LARP1: variants seen among roughly 807,000 people sequenced by gnomAD.
LARP1 encodes the protein la-related protein 1.
LARP1 carries 36 observed loss-of-function variants against 122.7 expected under a neutral mutation model. The ratio of observed to expected loss-of-function variants is 0.29; its 90% CI spans 0.22 to 0.39. LARP1 has a LOEUF of 0.39. LARP1 is among the 10% of genes least tolerant of loss of function. The pLI, the probability that LARP1 is intolerant of heterozygous loss-of-function variation, is 1.00. For synonymous variants in LARP1, 539 were observed against 528.7 expected, an observed-to-expected ratio of 1.02 and a Z score of -0.27; for missense variants, 1,040 against 1,403.6, an observed-to-expected ratio of 0.74 and a Z score of 4.14.
At chr5:154,805,803 C>T (rs1056004276) in intron 14 of LARP1, 78 bp from the exon 15 acceptor site, 10 of 1,473,158 alleles carry the variant, frequency 6.8e-6, no homozygotes, top group South Asian at 2.6e-5. Flanking sequence ...GCTGACAGAA[C>T]GGATCAGAGG....
chr5:154,711,607 T>G (rs1202637427), upstream of LARP1, among the ~76,000 whole-genome samples: 1 of 152,128 alleles, frequency 6.6e-6, no homozygotes, highest in Non-Finnish European at 1.5e-5. Flanking sequence ...GTCTTCTACA[T>G]GAGGATAAAG....
chr5:154,812,072 G>A (rs1759318353), intron 18 of LARP1, among the ~76,000 whole-genome samples: 3 of 152,180 alleles, frequency 2.0e-5, no homozygotes, highest in Non-Finnish European at 2.9e-5. Context: ...CAGTGGCAGG[G>A]CTGGGTTATT....
At chr5:154,767,229 A>G (rs552941918) in intron 1 of LARP1, among the ~76,000 whole-genome samples, 110 of 152,340 alleles carry the variant, frequency 7.2e-4, no homozygotes, top group Non-Finnish European at 1.2e-3. Flanking sequence ...TACTAGGATC[A>G]TTGATGAATG....
chr5:154,789,917 G>T (rs982772784), intron 1 of LARP1, among the ~76,000 whole-genome samples: 3 of 152,148 alleles, frequency 2.0e-5, no homozygotes, highest in Non-Finnish European at 2.9e-5. Context: ...CAAACTTCTA[G>T]AATGTTAGGG....
chr5:154,804,167 CA>C lies in LARP1; in HGVS notation c.2440-31del, dbSNP rs1340614116. On this transcript the variant is annotated intron_variant, in intron 13 of 18. Coordinates refer to ENST00000518297, the MANE Select transcript of LARP1 (RefSeq NM_033551.3). Reference sequence around the variant, plus strand: ...GATGCTCCTCAGAGTTGTAGGAGTACAAACAGTAACAAACCCTGGGCTAACC... The same window carrying C: ...GATGCTCCTCAGAGTTGTAGGAGTACAACAGTAACAAACCCTGGGCTAACC... 5.9e-6 allele frequency: 9 copies of C among 1,527,516 alleles called. 1 individual carries two copies. The highest frequency in any genetic ancestry group is 8.2e-6 in the Non-Finnish European group (9 of 1,101,292). 94.6% of individuals were successfully genotyped at this position (1,527,516 alleles called of 1,614,324 possible). A position where few individuals can be genotyped will look rare whatever the true frequency, so the allele number is the denominator to read the frequency against.
intron 1 of LARP1, among the ~76,000 whole-genome samples, chr5:154,772,776 C>T (rs1441120090): frequency 3.3e-5 from 5 of 152,184 alleles, no homozygotes; most frequent in Admixed American, 6.5e-5. Flanking sequence ...CAACCTCCGC[C>T]TCCCAGGTTC....
At chr5:154,764,166 GGGCGTGGT>G (rs1278042350) in intron 1 of LARP1, among the ~76,000 whole-genome samples, 1 of 151,954 alleles carries the variant, frequency 6.6e-6, no homozygotes, top group Non-Finnish European at 1.5e-5. Flanking sequence ...AAAATTAGCT[GGGCGTGGT>G]GGCATGCGCC....
chr5:154,691,816 TTTTC>T (rs1754231176), intron 1 of LARP1, among the ~76,000 whole-genome samples: 1 of 151,322 alleles, frequency 6.6e-6, no homozygotes, highest in Non-Finnish European at 1.5e-5. Context: ...TTTTTTTTCT[TTTTC>T]TTTTTTGAGG....
chr5:154,805,826 CATG>C (rs1162773451), intron 14 of LARP1, 52 bp from the exon 15 acceptor site: 2 of 1,577,020 alleles, frequency 1.3e-6, no homozygotes, highest in Non-Finnish European at 1.7e-6. Context: ...CCCCTCCTGA[CATG>C]GTGGGGCTGC....
At chr5:154,760,900 A>G (rs60476447) in intron 1 of LARP1, among the ~76,000 whole-genome samples, 4,047 of 152,308 alleles carry the variant, frequency 0.027, 61 homozygotes, top group African/African-American at 0.04. Flanking sequence ...TTTGATGACA[A>G]CTGAGGAAAT....
chr5:154,732,240 C>A (rs1321775677), intron 1 of LARP1, among the ~76,000 whole-genome samples: 3 of 149,234 alleles, frequency 2.0e-5, no homozygotes, highest in Non-Finnish European at 4.4e-5. Context: ...TATAATTTAC[C>A]AATTATAGTC....
rs1272302145 is a variant in LARP1, at chr5:154,762,285, T to TA, written c.436+6094dup. Among the ~76,000 whole-genome samples the TA allele has an allele frequency of 2.0e-5, 3 of 151,510 alleles. No homozygotes were observed. The East Asian group carries it at 5.8e-4, about 29-fold the overall frequency. ...ACCAAAAAAACCTCCTACACAGAGG[T>TA]AAGATGTAAGTTTTTTTTTTTATTT... On this transcript the variant is annotated intron_variant, in intron 1 of 18. Transcript: ENST00000518297.
intron 1 of LARP1, among the ~76,000 whole-genome samples, chr5:154,703,420 C>T (rs1234841242): frequency 6.6e-6 from 1 of 152,058 alleles, no homozygotes; most frequent in African/African-American, 2.4e-5. Context: ...CATCTGCACT[C>T]ATTTTGACTG....
intron 1 of LARP1, among the ~76,000 whole-genome samples, chr5:154,764,588 C>A: frequency 1.0e-5 from 1 of 97,644 alleles, no homozygotes. Flanking sequence ...GCAGTGAGAC[C>A]ATGTCTCAAA....
At chr5:154,727,201 AGC>A (rs933834627) in intron 1 of LARP1, among the ~76,000 whole-genome samples, 1 of 152,204 alleles carries the variant, frequency 6.6e-6, no homozygotes. Flanking sequence ...AGAGAAATGA[AGC>A]CAGAAGCAAT....
At chr5:154,785,730 G>T (rs1756825640) in intron 1 of LARP1, among the ~76,000 whole-genome samples, 1 of 152,122 alleles carries the variant, frequency 6.6e-6, no homozygotes, top group African/African-American at 2.4e-5. Flanking sequence ...GAATCTCGGG[G>T]TTAGACATTC....
At chr5:154,774,812 G>A (rs182464831) in intron 1 of LARP1, among the ~76,000 whole-genome samples, 17 of 152,262 alleles carry the variant, frequency 1.1e-4, no homozygotes, top group African/African-American at 2.9e-4. Flanking sequence ...CTAAGAAGCC[G>A]TCTGGTCACT....
chr5:154,697,115 C>CAACA (rs1336628329), intron 1 of LARP1, among the ~76,000 whole-genome samples: 1 of 151,910 alleles, frequency 6.6e-6, no homozygotes, highest in African/African-American at 2.4e-5. Context: ...GGGTGAAATT[C>CAACA]AACAGAATTG....
intron 1 of LARP1, among the ~76,000 whole-genome samples, chr5:154,723,487 A>C (rs557385909): frequency 2.0e-5 from 3 of 152,270 alleles, no homozygotes; most frequent in African/African-American, 7.2e-5. Context: ...AAACCCTAAA[A>C]CATGAGTTAT....
Sources: allele counts gnomAD v4.1 joint callset (sites outside exome capture counted in the v4.1 genomes callset), GRCh38; gene constraint gnomAD v4.1.1; transcripts MANE v1.5; gene names NCBI Gene and HGNC (gene_info 2026-07-23, HGNC 2026-07-21).